The following DMD variants were observed in gnomAD, a reference collection of about 807,000 sequenced individuals.
DMD encodes the protein dystrophin.
A neutral mutation model predicts 330.1 loss-of-function variants in DMD; 63 were observed. The observed-to-expected ratio is 0.19, with a 90% CI of 0.16 to 0.24. The LOEUF (loss-of-function observed/expected upper bound fraction) is 0.24. DMD is among the 10% of genes least tolerant of loss of function. The pLI is 1.00. For synonymous variants in DMD, 1,223 were observed against 959.8 expected (o/e 1.27, Z -5.07); for missense variants, 3,344 against 2,684.1 (o/e 1.25, Z -5.43).
At chrX:32,784,712 G>A (rs1603417872) in intron 7 of DMD, among the ~76,000 whole-genome samples, 1 of 111,394 alleles carries the variant, frequency 9.0e-6, no homozygotes, top group South Asian at 3.7e-4. Context: ...GTGGATTTTG[G>A]TATATTTAAA....
intron 43 of DMD, among the ~76,000 whole-genome samples, chrX:32,261,552 A>G (rs2097323442): frequency 8.9e-6 from 1 of 112,160 alleles, no homozygotes; most frequent in African/African-American, 3.2e-5. Context: ...TAGGAATCAA[A>G]GTGGTGGTGC....
At chrX:32,967,115 T>G (rs746880588) in intron 2 of DMD, among the ~76,000 whole-genome samples, 1 of 111,834 alleles carries the variant, frequency 8.9e-6, no homozygotes, top group Non-Finnish European at 1.9e-5. Flanking sequence ...ACTGGTGATG[T>G]TATTCATCCG....
chrX:32,722,418 G>C (rs1422753643), intron 7 of DMD, among the ~76,000 whole-genome samples: 1 of 110,574 alleles, frequency 9.0e-6, no homozygotes, highest in Non-Finnish European at 1.9e-5. Context: ...AGGGGGGTGT[G>C]CATAGGTATA....
chrX:33,259,602 C>CA (rs200492172), intron 1 of DMD, among the ~76,000 whole-genome samples: 1,978 of 65,102 alleles, frequency 0.03, 186 homozygotes, highest in African/African-American at 0.11. Flanking sequence ...AAATCGCCCC[C>CA]CCCCCCCAAA....
intron 21 of DMD, among the ~76,000 whole-genome samples, chrX:32,476,224 G>T (rs963319044): frequency 9.0e-6 from 1 of 111,129 alleles, no homozygotes; most frequent in Admixed American, 9.6e-5. Context: ...AAACACTTCA[G>T]TCTCTGAATT....
intron 62 of DMD, among the ~76,000 whole-genome samples, chrX:31,273,441 T>C (rs2051822113): frequency 8.9e-6 from 1 of 111,974 alleles, no homozygotes; most frequent in Admixed American, 9.5e-5. Flanking sequence ...AAATGCAAAG[T>C]TCTACATACA....
intron 50 of DMD, among the ~76,000 whole-genome samples, chrX:31,804,886 C>T (rs1201921494): frequency 9.4e-6 from 1 of 106,104 alleles, no homozygotes; most frequent in East Asian, 3.0e-4. Context: ...CGCTCTGTTG[C>T]AATACTCCAG....
At chrX:32,726,471 C>T (rs189830821) in intron 7 of DMD, among the ~76,000 whole-genome samples, 1 of 111,167 alleles carries the variant, frequency 9.0e-6, no homozygotes, top group East Asian at 2.8e-4. Context: ...TGCCAATGAT[C>T]TTGGATCTTA....
At chrX:32,906,681 G>T (rs1376518244) in intron 2 of DMD, among the ~76,000 whole-genome samples, 1 of 111,489 alleles carries the variant, frequency 9.0e-6, no homozygotes, top group African/African-American at 3.3e-5. Flanking sequence ...GAAGAGGTGA[G>T]ATGATTTAAT....
intron 60 of DMD, among the ~76,000 whole-genome samples, chrX:31,358,323 T>C (rs1324618620): frequency 8.9e-6 from 1 of 111,888 alleles, no homozygotes; most frequent in Non-Finnish European, 1.9e-5. Flanking sequence ...AAACAAAAGA[T>C]TGAATTTCTA....
upstream of DMD, among the ~76,000 whole-genome samples, chrX:33,213,181 C>T (rs975876875): frequency 9.0e-6 from 1 of 110,987 alleles, no homozygotes; most frequent in African/African-American, 3.3e-5. Flanking sequence ...TTTGAGAAAC[C>T]CTAAAGTGTA....
intron 2 of DMD, among the ~76,000 whole-genome samples, chrX:32,951,895 T>C (rs2091268406): frequency 9.0e-6 from 1 of 111,598 alleles, no homozygotes; most frequent in Non-Finnish European, 1.9e-5. Context: ...CAAATAAAGA[T>C]ACTAAGCCCT....
chrX:33,312,107 T>G (rs1343687643), intron 1 of DMD, among the ~76,000 whole-genome samples: 1 of 110,374 alleles, frequency 9.1e-6, no homozygotes, highest in Non-Finnish European at 1.9e-5. Context: ...TTCCTTGTAC[T>G]GGTGGTACAA....
chrX:32,144,553 C>G (rs1019479979), intron 44 of DMD, among the ~76,000 whole-genome samples: 3 of 111,304 alleles, frequency 2.7e-5, no homozygotes, highest in African/African-American at 6.5e-5. Flanking sequence ...TGGGATTTAT[C>G]TTATTATTAT....
At chrX:31,395,475 T>C (rs2060881363) in intron 60 of DMD, among the ~76,000 whole-genome samples, 1 of 112,415 alleles carries the variant, frequency 8.9e-6, no homozygotes, top group African/African-American at 3.2e-5. Context: ...GCCGGTTAGC[T>C]ACTTCAATAC....
At chrX:31,314,742 C>CAGAGAGAGAGAGAGAGACAGAAAGAGAG (rs2055831517) in intron 62 of DMD, among the ~76,000 whole-genome samples, 8 of 55,283 alleles carry the variant, frequency 1.4e-4, no homozygotes, top group African/African-American at 6.8e-4. Context: ...AATACATACA[C>CAGAGAGAGAGAGAGAGACAGAAAGAGAG]AGAGAGAGAG....
intron 55 of DMD, among the ~76,000 whole-genome samples, chrX:31,607,487 A>G (rs892909937): frequency 7.1e-5 from 8 of 112,030 alleles, no homozygotes; most frequent in African/African-American, 2.6e-4. Flanking sequence ...TCTTAGGGTT[A>G]CTAAAAACTA....
At chrX:32,387,350 A>G in intron 32 of DMD, among the ~76,000 whole-genome samples, 1 of 111,062 alleles carries the variant, frequency 9.0e-6, no homozygotes, top group Non-Finnish European at 1.9e-5. Flanking sequence ...AAATATATGT[A>G]CGTGTGTGTA....
intron 62 of DMD, among the ~76,000 whole-genome samples, chrX:31,302,423 C>T (rs2054719522): frequency 9.0e-6 from 1 of 111,333 alleles, no homozygotes; most frequent in Admixed American, 9.6e-5. Flanking sequence ...AGACAATATG[C>T]AAGATTAGAT....
Sources: gnomAD v4.1 joint callset for allele counts (sites outside exome capture counted in the v4.1 genomes callset) on GRCh38, gnomAD v4.1.1 for gene constraint, MANE v1.5 for transcripts, NCBI Gene and HGNC (gene_info 2026-07-23, HGNC 2026-07-21) for gene names.